Variants in LMNTD1 observed in about 807,000 individuals in gnomAD.
The protein encoded by LMNTD1 is lamin tail domain containing 1.
LMNTD1 carries 35 observed loss-of-function variants against 50.9 expected under a neutral mutation model. That is an observed-to-expected ratio of 0.69 (90% CI 0.53 to 0.91). LMNTD1 has a LOEUF of 0.91. LMNTD1 is among the 40% of genes least tolerant of loss of function. The probability of loss-of-function intolerance (pLI) is 0.00; values close to 1 mark genes in which losing one functional copy is unlikely to be tolerated. For synonymous variants in LMNTD1, 153 were observed against 161.9 expected, an observed-to-expected ratio of 0.94 and a Z score of 0.42; for missense variants, 470 against 475.5, an observed-to-expected ratio of 0.99 and a Z score of 0.11.
chr12:25,619,252 C>CTCTCTATATATATATATATATATATATA (rs1374134268), intron 1 of LMNTD1, among the ~76,000 whole-genome samples: 2 of 84,442 alleles, frequency 2.4e-5, no homozygotes, highest in Non-Finnish European at 4.6e-5. Context: ...CTCTCTCTCT[C>CTCTCTATATATATATATATATATATATA]TATATATATA....
chr12:25,514,688 G>C (rs1940621428), intron 8 of LMNTD1, among the ~76,000 whole-genome samples: 2 of 152,088 alleles, frequency 1.3e-5, no homozygotes, highest in South Asian at 4.2e-4. Flanking sequence ...TTGTAACTCA[G>C]AGGATAAATG....
intron 1 of LMNTD1, among the ~76,000 whole-genome samples, chr12:25,636,321 A>T (rs1946833574): frequency 6.6e-6 from 1 of 152,222 alleles, no homozygotes; most frequent in African/African-American, 2.4e-5. Context: ...AAAATGGGCT[A>T]AGGTCATGAA....
At chr12:25,552,326 G>A (rs1408424168) in intron 2 of LMNTD1, among the ~76,000 whole-genome samples, 2 of 151,836 alleles carry the variant, frequency 1.3e-5, no homozygotes, top group Non-Finnish European at 2.9e-5. Flanking sequence ...ATATTAAATG[G>A]GAACTTTGGA....
rs578018066 is a variant in LMNTD1, at chr12:25,601,979, T to C, written c.58+46515A>G. On this transcript the variant is annotated intron_variant, in intron 1 of 7. Transcript: ENST00000445693. ...CTATTTGAAATGTACAATAAATTAT[T>C]GTTAATTATAACTTTTTTACCAAAG... 9.9e-5 allele frequency among the ~76,000 whole-genome samples: 15 copies of C among 151,626 alleles called. No homozygotes were observed. The South Asian group carries it at 3.1e-3, about 31-fold the overall frequency.
intron 1 of LMNTD1, among the ~76,000 whole-genome samples, chr12:25,647,830 T>C (rs542760364): frequency 6.6e-6 from 1 of 152,338 alleles, no homozygotes; most frequent in South Asian, 2.1e-4. Flanking sequence ...TCTTGACTAT[T>C]ACAGATTGGT....
chr12:25,546,444 A>T lies in LMNTD1; in HGVS notation c.421T>A (p.Ser141Thr), dbSNP rs546165183. The change falls in exon 4 of 10, where the codon TCA becomes ACA. Residue 141 changes from serine to threonine, a missense_variant. Physicochemically the swap from Ser to Thr is moderately conservative, Grantham distance 58. Coordinates refer to ENST00000458174, the MANE Select transcript of LMNTD1 (RefSeq NM_001145728.2). ...FGDSKKLTAH[S>T]NYTQKTLKYF... ...TTTAAAGTTTTCTGAGTGTAGTTTG[A>T]GTGTGCTGTAAGTTTCTTTGAATCA... 21 of 1,601,174 alleles carry T rather than the reference A, an allele frequency of 1.3e-5. No individual in the cohort carries two copies. The South Asian group carries it at 1.8e-4, about 14-fold the overall frequency.
intron 8 of LMNTD1, among the ~76,000 whole-genome samples, chr12:25,507,722 T>C (rs1185484336): frequency 6.6e-6 from 1 of 152,216 alleles, no homozygotes; most frequent in Non-Finnish European, 1.5e-5. Flanking sequence ...AATCCTACTA[T>C]TTGCAGCAGA....
At chr12:25,511,740 G>T (rs1455618749) in intron 8 of LMNTD1, among the ~76,000 whole-genome samples, 1 of 152,086 alleles carries the variant, frequency 6.6e-6, no homozygotes, top group Non-Finnish European at 1.5e-5. Flanking sequence ...ACTCTAACAT[G>T]GTGGTGTACA....
chr12:25,477,880 G>A (rs1938321934), intron 9 of LMNTD1, among the ~76,000 whole-genome samples: 1 of 151,972 alleles, frequency 6.6e-6, no homozygotes, highest in African/African-American at 2.4e-5. Flanking sequence ...CCACAATATA[G>A]GCTGTCTGGA....
chr12:25,593,670 A>G (rs1411437197), intron 1 of LMNTD1, among the ~76,000 whole-genome samples: 1 of 151,868 alleles, frequency 6.6e-6, no homozygotes, highest in Non-Finnish European at 1.5e-5. Context: ...CCTAAAAATT[A>G]CTCTAGCTCA....
chr12:25,516,679 T>C (rs1480666355), intron 8 of LMNTD1, among the ~76,000 whole-genome samples: 1 of 152,018 alleles, frequency 6.6e-6, no homozygotes, highest in Non-Finnish European at 1.5e-5. Context: ...AACTCAGACA[T>C]AGAGCTACAT....
intron 1 of LMNTD1, among the ~76,000 whole-genome samples, chr12:25,627,428 T>C (rs1294959874): frequency 6.6e-6 from 1 of 152,248 alleles, no homozygotes; most frequent in Non-Finnish European, 1.5e-5. Flanking sequence ...TAATCAGTTC[T>C]TCTCATGGGT....
intron 1 of LMNTD1, among the ~76,000 whole-genome samples, chr12:25,641,011 T>C (rs531558204): frequency 2.0e-5 from 3 of 152,304 alleles, no homozygotes; most frequent in South Asian, 2.1e-4. Flanking sequence ...TTCTTTTCTG[T>C]TCATTTACTC....
intron 1 of LMNTD1, among the ~76,000 whole-genome samples, chr12:25,607,923 T>G (rs916304670): frequency 2.0e-5 from 3 of 152,208 alleles, no homozygotes; most frequent in Non-Finnish European, 4.4e-5. Context: ...TGTCTAATAT[T>G]GTCAGTGAGG....
At chr12:25,612,717 A>T (rs574898778) in intron 1 of LMNTD1, among the ~76,000 whole-genome samples, 14 of 152,162 alleles carry the variant, frequency 9.2e-5, no homozygotes, top group Non-Finnish European at 1.3e-4. Context: ...ATATATATAT[A>T]TTTTTAAATG....
At chr12:25,525,792 A>C (rs773173659) in intron 6 of LMNTD1, among the ~76,000 whole-genome samples, 6 of 152,146 alleles carry the variant, frequency 3.9e-5, no homozygotes, top group Non-Finnish European at 5.9e-5. Flanking sequence ...CAAGTGGATA[A>C]AGAAAACGTG....
intron 4 of LMNTD1, among the ~76,000 whole-genome samples, chr12:25,545,771 T>G (rs1943391982): frequency 6.6e-6 from 1 of 151,642 alleles, no homozygotes; most frequent in African/African-American, 2.4e-5. Context: ...AAAATTTCCT[T>G]CATATCTGAC....
At chr12:25,548,048 A>C (rs573875472) in intron 3 of LMNTD1, among the ~76,000 whole-genome samples, 1 of 151,954 alleles carries the variant, frequency 6.6e-6, no homozygotes, top group East Asian at 1.9e-4. Context: ...AATGATAGAA[A>C]ATCTTTTCTT....
chr12:25,549,735 G>C (rs967411048), intron 2 of LMNTD1, among the ~76,000 whole-genome samples, 189 bp from the exon 3 acceptor site: 3 of 152,052 alleles, frequency 2.0e-5, no homozygotes, highest in Admixed American at 6.5e-5. Context: ...TTATCAATAT[G>C]TTGTATGCTT....
Sources: allele counts gnomAD v4.1 joint callset (sites outside exome capture counted in the v4.1 genomes callset), GRCh38; gene constraint gnomAD v4.1.1; transcripts MANE v1.5; gene names NCBI Gene and HGNC (gene_info 2026-07-23, HGNC 2026-07-21).